The following CPEB1 variants were observed in gnomAD, a reference collection of about 807,000 sequenced individuals.
The protein encoded by CPEB1 is cytoplasmic polyadenylation element binding protein 1.
In CPEB1, 7 loss-of-function variants were observed where a neutral mutation model predicts 65.8. That is an observed-to-expected ratio of 0.11 (90% CI 0.06 to 0.20). The LOEUF (loss-of-function observed/expected upper bound fraction) is 0.20, where lower values mean the gene tolerates loss of function less well. Ranked by LOEUF, CPEB1 falls within the 10% of genes least tolerant of loss-of-function variation. The pLI, the probability that CPEB1 is intolerant of heterozygous loss-of-function variation, is 1.00. For missense variants in CPEB1, 551 were observed against 712.2 expected (o/e 0.77, Z 2.58); for synonymous variants, 262 against 260.0 (o/e 1.01, Z -0.08).
At chr15:82,629,514 G>A (rs944146610) in intron 1 of CPEB1, 1 of 984,952 alleles carries the variant, frequency 1.0e-6, no homozygotes, top group African/African-American at 1.8e-5. Context: ...TCCCTATCTC[G>A]GTAAATAACA....
At chr15:82,648,287 G>C (rs2047743986), upstream of CPEB1, 1 of 173,860 alleles carries the variant, frequency 5.8e-6, no homozygotes, top group African/African-American at 2.4e-5. Context: ...AAGAGGGCAC[G>C]ATTTACAAGC....
chr15:82,631,422 A>G (rs1262897376), intron 1 of CPEB1, among the ~76,000 whole-genome samples: 1 of 142,496 alleles, frequency 7.0e-6, no homozygotes, highest in Non-Finnish European at 1.5e-5. Flanking sequence ...ATTTGGAAGG[A>G]AAAAAAAAAA....
intron 3 of CPEB1, among the ~76,000 whole-genome samples, chr15:82,593,462 A>G (rs920324358): frequency 6.6e-6 from 1 of 152,218 alleles, no homozygotes; most frequent in Non-Finnish European, 1.5e-5. Flanking sequence ...TTCAGGCTCC[A>G]CTTTTAATCC....
At chr15:82,597,150 C>T (rs2042727176) in intron 3 of CPEB1, among the ~76,000 whole-genome samples, 1 of 152,090 alleles carries the variant, frequency 6.6e-6, no homozygotes, top group South Asian at 2.1e-4. Context: ...CACAGGGAGA[C>T]CCTATCTCTA....
chr15:82,617,144 G>A (rs2044791532), intron 3 of CPEB1, among the ~76,000 whole-genome samples: 1 of 152,186 alleles, frequency 6.6e-6, no homozygotes, highest in African/African-American at 2.4e-5. Flanking sequence ...ATAGAATTCT[G>A]TGCCAACAGA....
chr15:82,637,165 A>C (rs892675724), intron 1 of CPEB1, among the ~76,000 whole-genome samples: 2 of 152,204 alleles, frequency 1.3e-5, no homozygotes, highest in African/African-American at 4.8e-5. Flanking sequence ...CAATTTCTCT[A>C]AGCAGGTCTT....
intron 3 of CPEB1, among the ~76,000 whole-genome samples, chr15:82,587,490 T>G (rs1213497102): frequency 1.3e-5 from 2 of 152,132 alleles, no homozygotes; most frequent in Non-Finnish European, 2.9e-5. Flanking sequence ...AGGAGAACAC[T>G]TAAGTGGCTG....
chr15:82,569,160 T>C (rs576883290), intron 4 of CPEB1, among the ~76,000 whole-genome samples: 18 of 152,302 alleles, frequency 1.2e-4, no homozygotes, highest in South Asian at 2.1e-4. Flanking sequence ...TGTTCCCGCA[T>C]TGCTGGTGAG....
At chr15:82,638,461 G>A (rs1223077660) in intron 1 of CPEB1, 6 of 152,172 alleles carry the variant, frequency 3.9e-5, no homozygotes, top group Admixed American at 1.3e-4. Context: ...CTCATGTGGT[G>A]GCAGATAAAG....
chr15:82,566,620 G>A (rs913967817), intron 4 of CPEB1, among the ~76,000 whole-genome samples: 1 of 152,102 alleles, frequency 6.6e-6, no homozygotes, highest in African/African-American at 2.4e-5. Flanking sequence ...ATAACTCCCA[G>A]TCTTGATCAT....
chr15:82,606,469 CAAAA>C (rs1322114993), intron 3 of CPEB1, among the ~76,000 whole-genome samples: 4 of 52,620 alleles, frequency 7.6e-5, no homozygotes, highest in Admixed American at 2.2e-4. Flanking sequence ...TACTCCGTCT[CAAAA>C]AAAAAAAAAA....
intron 3 of CPEB1, among the ~76,000 whole-genome samples, chr15:82,572,651 C>T (rs569425599): frequency 3.9e-5 from 6 of 152,194 alleles, no homozygotes; most frequent in Non-Finnish European, 4.4e-5. Flanking sequence ...TCTGAAGTAT[C>T]GTTACGCCCT....
chr15:82,643,903 G>A (rs1456893767), intron 1 of CPEB1, among the ~76,000 whole-genome samples: 12 of 152,168 alleles, frequency 7.9e-5, no homozygotes. Flanking sequence ...CAGACAAGGT[G>A]AGATTTAGTA....
Position 82,548,629 on chromosome 15 carries a change from C to G in CPEB1, c.1480+831G>C, listed in dbSNP as rs143175269. 4.9e-3 allele frequency: 2,114 copies of G among 429,710 alleles called. 10 individuals carry two copies. The highest frequency in any genetic ancestry group is 7.9e-3 in the Non-Finnish European group (1,670 of 212,682). The allele number at this position is 429,710 out of a possible 1,614,324, so 26.6% of individuals were successfully genotyped here. On this transcript the variant is annotated intron_variant, in intron 10 of 12. Transcript: ENST00000684509. ...TAGAACACTTGTCTGAAGGGTAAGC[C>G]CAGCAGTTGAACTGAACCTCTCCTA...
rs60065545 is a variant in CPEB1, at chr15:82,610,958, C to CAAAAAAAAAAAAAAAAAAAAAAAAAAA, written c.271+16208_271+16234dup. On this transcript the variant is annotated intron_variant, in intron 3 of 12. Transcript: ENST00000684509. Reference sequence around the variant, plus strand: ...TGGGGACAGAGTGAGACTCCAGTCTCAAAAAAAAAAAAAAAAAAAAAAAAA... The same window carrying CAAAAAAAAAAAAAAAAAAAAAAAAAAA: ...TGGGGACAGAGTGAGACTCCAGTCTCAAAAAAAAAAAAAAAAAAAAAAAAAAAAAAAAAAAAAAAAAAAAAAAAAAAA... 6.7e-5 allele frequency among the ~76,000 whole-genome samples: 2 copies of CAAAAAAAAAAAAAAAAAAAAAAAAAAA among 30,018 alleles called. 1 individual carries two copies. Among genetic ancestry groups the CAAAAAAAAAAAAAAAAAAAAAAAAAAA allele is most frequent in the Non-Finnish European group, 1.1e-4 (2 of 17,878 alleles). The allele number at this position is 30,018 out of a possible 152,430, so 19.7% of individuals were successfully genotyped here.
In CPEB1 at chr15:82,544,374, T is replaced by A; in HGVS notation, c.*218A>T. 34 of 391,720 alleles carry A rather than the reference T, an allele frequency of 8.7e-5. No homozygotes were observed. The highest frequency in any genetic ancestry group is 1.1e-4 in the Non-Finnish European group (24 of 214,672). The allele number at this position is 391,720 out of a possible 1,614,324, so 24.3% of individuals were successfully genotyped here. A position where few individuals can be genotyped will look rare whatever the true frequency, so the allele number is the denominator to read the frequency against. On this transcript the variant is annotated 3_prime_UTR_variant, in exon 13 of 13. Transcript: ENST00000684509. ...GCTTGGAGGGTAAGCCAGAGGGTCC[T>A]TGCCCTTGGTACACCCCCTGAAAAC...
chr15:82,569,900 G>C (rs539388563), intron 4 of CPEB1, among the ~76,000 whole-genome samples: 23 of 152,238 alleles, frequency 1.5e-4, no homozygotes, highest in African/African-American at 5.3e-4. Flanking sequence ...TGGCTTCATA[G>C]GCCCCCAAGG....
intron 3 of CPEB1, among the ~76,000 whole-genome samples, chr15:82,611,857 GA>G (rs1426400047): frequency 6.6e-6 from 1 of 151,630 alleles, no homozygotes; most frequent in Non-Finnish European, 1.5e-5. Flanking sequence ...AGAATCGGGG[GA>G]GGGAGGGATC....
intron 6 of CPEB1, 150 bp from the exon 7 acceptor site, chr15:82,554,141 C>G: frequency 1.8e-6 from 1 of 545,088 alleles, no homozygotes; most frequent in Non-Finnish European, 3.2e-6. Context: ...TTCTGAAAAG[C>G]AAGAAATCTA....
Sources: allele counts gnomAD v4.1 joint callset (sites outside exome capture counted in the v4.1 genomes callset), GRCh38; gene constraint gnomAD v4.1.1; transcripts MANE v1.5; gene names NCBI Gene and HGNC (gene_info 2026-07-23, HGNC 2026-07-21).